The following TUSC3 variants were observed in gnomAD, a reference collection of about 807,000 sequenced individuals.
The protein encoded by TUSC3 is dolichyl-diphosphooligosaccharide--protein glycosyltransferase subunit TUSC3.
In TUSC3, 45 loss-of-function variants were observed where a neutral mutation model predicts 44.8. The observed-to-expected ratio is 1.00, with a 90% CI of 0.79 to 1.29. The LOEUF is 1.29. Among genes scored for constraint, TUSC3 ranks in the 50% most tolerant of loss-of-function variants. The pLI, the probability that TUSC3 is intolerant of heterozygous loss-of-function variation, is 0.00. For synonymous variants in TUSC3, 212 were observed against 152.9 expected (o/e 1.39, Z -2.85); for missense variants, 519 against 437.9 (o/e 1.19, Z -1.65).
rs571880527 is a variant in TUSC3, at chr8:15,445,823, C to G, written n.91+28518C>G. 2.8e-3 allele frequency among the ~76,000 whole-genome samples: 425 copies of G among 152,360 alleles called. 2 individuals carry two copies. Among genetic ancestry groups the G allele is most frequent in the African/African-American group, 9.4e-3 (392 of 41,590 alleles). On this transcript the variant is annotated intron_variant and non_coding_transcript_variant, in intron 1 of 5. Coordinates refer to the TUSC3 transcript ENST00000503191. Reference sequence around the variant, plus strand: ...GTCATCATGGCCTGTTCTCAATGAGCTGTTGGGTACACCTCCCAGATGGTA... The same window carrying G: ...GTCATCATGGCCTGTTCTCAATGAGGTGTTGGGTACACCTCCCAGATGGTA...
the TUSC3 span, among the ~76,000 whole-genome samples, chr8:15,809,087 T>C: frequency 6.6e-6 from 1 of 152,138 alleles, no homozygotes; most frequent in East Asian, 1.9e-4. Flanking sequence ...ACCCAGATGA[T>C]GGCACACTAT....
At chr8:15,770,852 C>T (rs980202189), downstream of TUSC3, among the ~76,000 whole-genome samples, 23 of 152,036 alleles carry the variant, frequency 1.5e-4, no homozygotes, top group African/African-American at 5.1e-4. Flanking sequence ...AAAGAGTACC[C>T]GAAGAAATAA....
At chr8:15,819,050 C>T in the TUSC3 span, among the ~76,000 whole-genome samples, 1 of 151,290 alleles carries the variant, frequency 6.6e-6, no homozygotes, top group South Asian at 2.1e-4. Flanking sequence ...AGAGTGAGAC[C>T]CCTGTCTCTA....
At chr8:15,441,120 G>A (rs1168257176) in intron 1 of TUSC3, among the ~76,000 whole-genome samples, 2 of 152,202 alleles carry the variant, frequency 1.3e-5, no homozygotes, top group Non-Finnish European at 1.5e-5. Context: ...AATCAAGTAA[G>A]TGATGGCCAG....
chr8:15,566,469 C>T (rs993317815), intron 1 of TUSC3, among the ~76,000 whole-genome samples: 8 of 152,168 alleles, frequency 5.3e-5, no homozygotes, highest in South Asian at 4.1e-4. Context: ...AGATTTTTGT[C>T]ACATGGTAAC....
At position 15,672,379 on chromosome 8, in the gene TUSC3, A is replaced by C. The variant is rs376652371; in HGVS notation, c.709-1368A>C. Among the ~76,000 whole-genome samples the C allele has an allele frequency of 1.6e-4, 25 of 152,114 alleles. No homozygotes were observed. In the East Asian group the frequency reaches 4.3e-3, roughly 26 times the overall value. On this transcript the variant is annotated intron_variant, in intron 5 of 10. Coordinates refer to ENST00000503731, the MANE Select transcript of TUSC3 (RefSeq NM_006765.4). Reference sequence around the variant, plus strand: ...GAGGCCCAAAGCAATGGACTTGCTCAATGTTTAAATGCTCTACATGGATTA... The same window carrying C: ...GAGGCCCAAAGCAATGGACTTGCTCCATGTTTAAATGCTCTACATGGATTA...
chr8:15,807,810 A>G, the TUSC3 span, among the ~76,000 whole-genome samples: 1 of 152,180 alleles, frequency 6.6e-6, no homozygotes, highest in African/African-American at 2.4e-5. Flanking sequence ...GGAGCTAAAC[A>G]TTGAGAACTC....
intron 1 of TUSC3, among the ~76,000 whole-genome samples, chr8:15,449,413 T>A (rs1800163239): frequency 6.6e-6 from 1 of 152,106 alleles, no homozygotes. Context: ...TAACTGCACA[T>A]CCTCCATAGA....
chr8:15,749,732 GTT>G (rs71211080), intron 9 of TUSC3, among the ~76,000 whole-genome samples: 25 of 140,444 alleles, frequency 1.8e-4, no homozygotes, highest in African/African-American at 4.2e-4. Context: ...GAAAGATGAA[GTT>G]TTTTTTTTTT....
intron 1 of TUSC3, among the ~76,000 whole-genome samples, chr8:15,470,105 C>T (rs1018601614): frequency 7.0e-6 from 1 of 142,992 alleles, no homozygotes; most frequent in Non-Finnish European, 1.5e-5. Context: ...AAAAAATTAA[C>T]AAAAAAAAAA....
the TUSC3 span, among the ~76,000 whole-genome samples, chr8:15,792,870 C>A: frequency 6.6e-6 from 1 of 152,024 alleles, no homozygotes; most frequent in Non-Finnish European, 1.5e-5. Flanking sequence ...CCACCTGCCT[C>A]GGCCTCCCAA....
chr8:15,542,196 C>A (rs956685854), intron 1 of TUSC3, among the ~76,000 whole-genome samples: 1 of 151,862 alleles, frequency 6.6e-6, no homozygotes, highest in South Asian at 2.1e-4. Context: ...GAGGGGCATC[C>A]AGGTCATAGG....
intron 1 of TUSC3, among the ~76,000 whole-genome samples, chr8:15,600,877 G>A (rs1383951761): frequency 2.0e-5 from 3 of 151,596 alleles, no homozygotes; most frequent in Non-Finnish European, 3.0e-5. Context: ...GCTTAATAAC[G>A]ATAGAAATGG....
At chr8:15,523,662 ATATGTG>A (rs1234329370) in intron 2 of TUSC3, among the ~76,000 whole-genome samples, 47 of 21,848 alleles carry the variant, frequency 2.2e-3, no homozygotes, top group East Asian at 7.0e-3. Context: ...ATATATATAT[ATATGTG>A]TGTGTGTGTG....
intron 2 of TUSC3, among the ~76,000 whole-genome samples, chr8:15,635,259 C>A (rs184430419): frequency 6.6e-6 from 1 of 152,182 alleles, no homozygotes; most frequent in Non-Finnish European, 1.5e-5. Context: ...AAGAGATGAA[C>A]TCTTTCTTGG....
At chr8:15,447,904 A>G (rs1343430109) in intron 1 of TUSC3, among the ~76,000 whole-genome samples, 1 of 151,568 alleles carries the variant, frequency 6.6e-6, no homozygotes, top group African/African-American at 2.4e-5. Flanking sequence ...ATTAAAGGAT[A>G]TAAAGTTACA....
chr8:15,528,950 C>A (rs1463582814), intron 2 of TUSC3, among the ~76,000 whole-genome samples: 1 of 152,178 alleles, frequency 6.6e-6, no homozygotes, highest in African/African-American at 2.4e-5. Context: ...CTTACTCTTT[C>A]ATTACTCCTT....
chr8:15,425,383 C>T (rs1198311703), intron 1 of TUSC3, among the ~76,000 whole-genome samples: 2 of 152,110 alleles, frequency 1.3e-5, no homozygotes, highest in East Asian at 1.9e-4. Context: ...GGATATGCAA[C>T]AAAGTGACAT....
At chr8:15,761,172 T>A (rs1225380381) in intron 10 of TUSC3, among the ~76,000 whole-genome samples, 1 of 152,182 alleles carries the variant, frequency 6.6e-6, no homozygotes, top group Non-Finnish European at 1.5e-5. Flanking sequence ...ATCTTTTGAA[T>A]TTCAAGTAAT....
Sources: allele counts gnomAD v4.1 joint callset (sites outside exome capture counted in the v4.1 genomes callset), GRCh38; gene constraint gnomAD v4.1.1; transcripts MANE v1.5; gene names NCBI Gene and HGNC (gene_info 2026-07-23, HGNC 2026-07-21).